The following C9 variants were observed in gnomAD, a reference collection of about 807,000 sequenced individuals.
The protein encoded by C9 is complement C9, also known as complement component C9.
C9 carries 63 observed loss-of-function variants against 65.4 expected under a neutral mutation model. The ratio of observed to expected loss-of-function variants is 0.96; its 90% confidence interval spans 0.79 to 1.19. C9 has a LOEUF of 1.19. Among genes scored for constraint, C9 ranks in the 50% most tolerant of loss-of-function variants. C9 has a pLI of 0.00. For missense variants in C9, 744 were observed against 670.1 expected (o/e 1.11, Z -1.22); for synonymous variants, 229 against 227.9 (o/e 1.00, Z -0.04).
intron 1 of C9, among the ~76,000 whole-genome samples, chr5:39,350,641 G>A (rs996063806): frequency 1.3e-5 from 2 of 152,174 alleles, no homozygotes; most frequent in Admixed American, 1.3e-4. Flanking sequence ...CCAAAACCCA[G>A]TTGGACAGTC....
At chr5:39,355,416 A>G (rs1754397761) in intron 1 of C9, among the ~76,000 whole-genome samples, 1 of 151,892 alleles carries the variant, frequency 6.6e-6, no homozygotes. Flanking sequence ...CTATGTGTAC[A>G]CTTATTTACT....
At chr5:39,318,877 T>G (rs1753620633) in intron 5 of C9, among the ~76,000 whole-genome samples, 2 of 152,210 alleles carry the variant, frequency 1.3e-5, no homozygotes, top group South Asian at 4.1e-4. Flanking sequence ...CCTACTTAGA[T>G]CTTTCTAATG....
In C9 at chr5:39,333,756, C is replaced by T. The variant is rs553481973; in HGVS notation, c.477-1942G>A. The stretch of plus-strand genomic sequence containing the variant: ...CCTGCCGAGTGCCTGCGATTGCAGG[C>T]GCGCACCGCCACGCCTGACTGGTTT... On this transcript the variant is annotated intron_variant, in intron 4 of 10. Coordinates refer to ENST00000263408, the MANE Select transcript of C9 (RefSeq NM_001737.5). 6.6e-3 allele frequency among the ~76,000 whole-genome samples: 998 copies of T among 152,016 alleles called. 10 individuals carry two copies. The highest frequency in any genetic ancestry group is 0.022 in the African/African-American group (899 of 41,462).
chr5:39,315,748 A>C, intron 6 of C9, 27 bp downstream of exon 6: 1 of 1,526,232 alleles, frequency 6.6e-7, no homozygotes, highest in South Asian at 1.1e-5. Flanking sequence ...ACCTTTCTAT[A>C]TTCCTATATT....
At chr5:39,347,346 G>A (rs1342524654) in intron 1 of C9, among the ~76,000 whole-genome samples, 1 of 152,038 alleles carries the variant, frequency 6.6e-6, no homozygotes, top group Non-Finnish European at 1.5e-5. Flanking sequence ...AAATCAATGT[G>A]CAAAAATCCC....
rs763988049 is a variant in C9, at chr5:39,311,144, C to T, written c.1104G>A (p.Lys368=). Reference sequence around the variant, plus strand: ...CTCTATTTCTAGGCATACCTTTCCGCTTCATGGAAGCTTTATCCAAAACAT... The same window carrying T: ...CTCTATTTCTAGGCATACCTTTCCGTTTCATGGAAGCTTTATCCAAAACAT... ...LIYVLDKASM[K]RKGVELKDIK... is the part of the protein sequence containing the mutation. Residue 368 remains lysine (K), a synonymous_variant, in exon 7 of 11, where the codon AAG becomes AAA. Transcript: ENST00000263408. 1.2e-5 allele frequency: 20 copies of T among 1,613,442 alleles called. No individual in the cohort carries two copies. The highest frequency in any genetic ancestry group is 1.4e-5 in the Non-Finnish European group (17 of 1,179,448).
At chr5:39,328,147 A>G (rs749411109) in intron 5 of C9, among the ~76,000 whole-genome samples, 7 of 152,194 alleles carry the variant, frequency 4.6e-5, no homozygotes, top group Non-Finnish European at 1.0e-4. Flanking sequence ...AGGGAAGAGA[A>G]AGAATAACTT....
intron 1 of C9, among the ~76,000 whole-genome samples, chr5:39,351,149 C>T (rs1754315468): frequency 2.6e-5 from 4 of 152,178 alleles, no homozygotes; most frequent in Admixed American, 2.0e-4. Context: ...TGTACTTGGC[C>T]CCTTTTAGGC....
At chr5:39,352,049 G>A (rs1373307024) in intron 1 of C9, among the ~76,000 whole-genome samples, 1 of 152,164 alleles carries the variant, frequency 6.6e-6, no homozygotes, top group East Asian at 1.9e-4. Context: ...CATGGCTGGG[G>A]AGGCCTCAGG....
intron 1 of C9, among the ~76,000 whole-genome samples, chr5:39,363,030 C>A (rs1754549400): frequency 1.3e-5 from 2 of 152,154 alleles, no homozygotes; most frequent in African/African-American, 4.8e-5. Context: ...AAAGCTTCCC[C>A]ACAGCCTCTC....
intron 9 of C9, among the ~76,000 whole-genome samples, chr5:39,298,397 T>C (rs1421623725): frequency 2.6e-5 from 4 of 151,400 alleles, no homozygotes; most frequent in African/African-American, 7.3e-5. Flanking sequence ...GATAAACCTC[T>C]ACCAGATTAA....
At chr5:39,356,908 A>T (rs1313637792) in intron 1 of C9, among the ~76,000 whole-genome samples, 1 of 152,202 alleles carries the variant, frequency 6.6e-6, no homozygotes, top group Non-Finnish European at 1.5e-5. Flanking sequence ...TGAGTGGAGA[A>T]GTATTTGTAA....
At chr5:39,352,570 C>T (rs535638807) in intron 1 of C9, among the ~76,000 whole-genome samples, 7 of 152,328 alleles carry the variant, frequency 4.6e-5, no homozygotes, top group African/African-American at 1.7e-4. Context: ...CTCCAATCCT[C>T]ATCTATGCCA....
At chr5:39,361,552 A>C (rs1022703453) in intron 1 of C9, among the ~76,000 whole-genome samples, 1 of 152,214 alleles carries the variant, frequency 6.6e-6, no homozygotes, top group Non-Finnish European at 1.5e-5. Flanking sequence ...TCACAGCAGG[A>C]CACATTATTA....
At chr5:39,302,551 G>T (rs898548551) in intron 9 of C9, among the ~76,000 whole-genome samples, 1 of 152,010 alleles carries the variant, frequency 6.6e-6, no homozygotes, top group African/African-American at 2.4e-5. Context: ...TTTAACATCT[G>T]GTTCATAACT....
intron 5 of C9, among the ~76,000 whole-genome samples, chr5:39,326,168 T>C (rs696139): frequency 0.028 from 4,202 of 152,258 alleles, 204 homozygotes; most frequent in African/African-American, 0.097. Context: ...GTGAAGTGTA[T>C]ACTATTATCA....
chr5:39,290,619 G>A (rs571568039), intron 9 of C9, among the ~76,000 whole-genome samples: 18 of 151,712 alleles, frequency 1.2e-4, no homozygotes, highest in Middle Eastern at 3.4e-3. Flanking sequence ...TTTTAAAACT[G>A]CTAAAATGCC....
intron 10 of C9, among the ~76,000 whole-genome samples, chr5:39,286,551 A>T (rs1447926830): frequency 1.3e-5 from 2 of 152,070 alleles, no homozygotes; most frequent in African/African-American, 4.8e-5. Context: ...AATAATCTCA[A>T]TAGGTCAGCA....
In C9 at chr5:39,308,323, A is replaced by G. The variant is rs769051889; in HGVS notation, c.1147T>C (p.Tyr383His). 3.1e-6 allele frequency: 5 copies of G among 1,601,136 alleles called. No individual in the cohort carries two copies. Among genetic ancestry groups the G allele is most frequent in the Non-Finnish European group, 4.3e-6 (5 of 1,168,262 alleles). ...ELKDIKRCLGYHLDVSLAFSE... is the reference protein window; with the variant it reads ...ELKDIKRCLGHHLDVSLAFSE... ...AAAGCCAGAGATACATCCAGATGAT[A>G]CCCAAGGCATCTCTTTATGTCTTTT... The change falls in exon 8 of 11, where the codon TAT (tyrosine) becomes CAT (histidine). Residue 383 changes from tyrosine (Y) to histidine (H), a missense_variant. Physicochemically the swap from Tyr to His is moderately conservative, Grantham distance 83. Coordinates refer to ENST00000263408, the MANE Select transcript of C9 (RefSeq NM_001737.5).
Sources: allele counts gnomAD v4.1 joint callset (sites outside exome capture counted in the v4.1 genomes callset), GRCh38; gene constraint gnomAD v4.1.1; transcripts MANE v1.5; gene names NCBI Gene and HGNC (gene_info 2026-07-23, HGNC 2026-07-21).